ATP9A: variants seen among roughly 807,000 people sequenced by gnomAD.
ATP9A encodes ATPase phospholipid transporting 9A, also known as probable phospholipid-transporting ATPase IIA.
ATP9A carries 52 observed loss-of-function variants against 144.1 expected under a neutral mutation model. The ratio of observed to expected loss-of-function variants is 0.36; its 90% CI spans 0.29 to 0.45. ATP9A has a LOEUF of 0.45. ATP9A is among the 20% of genes least tolerant of loss of function. The pLI is 1.00. For synonymous variants in ATP9A, 582 were observed against 557.4 expected, an observed-to-expected ratio of 1.04 and a Z score of -0.62; for missense variants, 947 against 1,392.7, an observed-to-expected ratio of 0.68 and a Z score of 5.09.
intron 1 of ATP9A, among the ~76,000 whole-genome samples, chr20:51,745,860 C>G (rs2077805742): frequency 6.6e-6 from 1 of 152,094 alleles, no homozygotes; most frequent in African/African-American, 2.4e-5. Flanking sequence ...CATCATTCTA[C>G]CATAAAGACA....
At chr20:51,671,803 A>AC (rs763591630) in intron 11 of ATP9A, among the ~76,000 whole-genome samples, 35 of 145,010 alleles carry the variant, frequency 2.4e-4, no homozygotes, top group Non-Finnish European at 3.5e-4. Context: ...GAATTTGACT[A>AC]CTTTTTTTTT....
At chr20:51,628,918 A>G in intron 16 of ATP9A, 62 bp downstream of exon 16, 1 of 1,420,202 alleles carries the variant, frequency 7.0e-7, no homozygotes, top group Non-Finnish European at 9.9e-7. Context: ...CTTACCATGC[A>G]AGGGGCTGCC....
chr20:51,686,170 A>G (rs1016264359), intron 9 of ATP9A, among the ~76,000 whole-genome samples: 9 of 152,124 alleles, frequency 5.9e-5, no homozygotes, highest in African/African-American at 2.2e-4. Context: ...GAACAGTAAG[A>G]ACACTTGGAC....
chr20:51,641,704 G>A (rs558076297), intron 14 of ATP9A, among the ~76,000 whole-genome samples: 72 of 151,418 alleles, frequency 4.8e-4, no homozygotes, highest in African/African-American at 1.7e-3. Flanking sequence ...GGTGGCAGGC[G>A]CCTGTAATCC....
At chr20:51,742,142 G>C (rs539834672) in intron 1 of ATP9A, among the ~76,000 whole-genome samples, 2 of 151,928 alleles carry the variant, frequency 1.3e-5, no homozygotes, top group Admixed American at 6.6e-5. Flanking sequence ...CGAGCAACAC[G>C]GTGAGACCTC....
chr20:51,696,104 G>C lies in ATP9A; in HGVS notation c.536C>G (p.Ser179Ter). The change falls in exon 6 of 28, where the codon TCA (serine) becomes TGA (stop). Residue 179 changes from serine (S) to a stop codon, truncating the protein, a stop_gained. Transcript: ENST00000338821. LOFTEE classifies it high-confidence loss of function. ...VPADMIFLRTSEKNGSCFLRT... is the reference protein window; with the variant it reads ...VPADMIFLRT ...TCTCAGATGTTTACCGTTTTTTTCT[G>C]ATGTCCTCAGGAAGATCATGTCGGC... is the stretch of plus-strand genomic sequence containing the variant. The C allele has an allele frequency of 6.2e-7, 1 of 1,613,426 alleles. No homozygotes were observed.
intron 25 of ATP9A, 141 bp downstream of exon 25, chr20:51,608,377 A>C (rs769450147): frequency 1.6e-6 from 1 of 635,806 alleles, no homozygotes; most frequent in Non-Finnish European, 2.8e-6. Flanking sequence ...AAAAGTAAAA[A>C]AGCTACCAGT....
At chr20:51,633,516 C>T (rs189567472) in intron 15 of ATP9A, among the ~76,000 whole-genome samples, 95 of 152,180 alleles carry the variant, frequency 6.2e-4, no homozygotes, top group African/African-American at 1.9e-3. Flanking sequence ...GAGGTTGAAG[C>T]GGGAGGACAG....
At chr20:51,721,300 TTA>T (rs2077687924) in intron 3 of ATP9A, among the ~76,000 whole-genome samples, 1 of 152,226 alleles carries the variant, frequency 6.6e-6, no homozygotes, top group South Asian at 2.1e-4. Flanking sequence ...TAAATCTTTT[TTA>T]TGTTTACAAC....
At chr20:51,701,752 GC>G (rs1465706986) in intron 4 of ATP9A, among the ~76,000 whole-genome samples, 3 of 152,198 alleles carry the variant, frequency 2.0e-5, no homozygotes, top group African/African-American at 4.8e-5. Flanking sequence ...GAGGGGATGA[GC>G]CTCGGATCTG....
chr20:51,728,533 C>T (rs747964917), intron 2 of ATP9A, among the ~76,000 whole-genome samples: 1 of 149,622 alleles, frequency 6.7e-6, no homozygotes, highest in Non-Finnish European at 1.5e-5. Context: ...GAGGCTGAGG[C>T]AGGAGAATTG....
At chr20:51,680,311 G>A (rs908716278) in intron 9 of ATP9A, among the ~76,000 whole-genome samples, 4 of 150,226 alleles carry the variant, frequency 2.7e-5, no homozygotes, top group South Asian at 4.2e-4. Flanking sequence ...ACCACAAATC[G>A]ATCTTCTACA....
Position 51,716,490 on chromosome 20 carries a change from G to GAAAA in ATP9A, c.328-3420_328-3417dup, listed in dbSNP as rs11472238. Among the ~76,000 whole-genome samples, 65 of 137,822 alleles carry GAAAA rather than the reference G, an allele frequency of 4.7e-4. No homozygotes were observed. The East Asian group carries it at 5.2e-3, about 11-fold the overall frequency. 90.4% of individuals were successfully genotyped at this position (137,822 alleles called of 152,430 possible). A position where few individuals can be genotyped will look rare whatever the true frequency, so the allele number is the denominator to read the frequency against. On this transcript the variant is annotated intron_variant, in intron 3 of 27. Transcript: ENST00000338821. ...CAAAAGAAAATAGAAACCTGAAACA[G>GAAAA]AAAAAAAAAAAAAAATAGCTGGGCA...
chr20:51,658,376 A>G (rs2077395955), intron 13 of ATP9A, among the ~76,000 whole-genome samples: 1 of 151,940 alleles, frequency 6.6e-6, no homozygotes, highest in Non-Finnish European at 1.5e-5. Context: ...GGAGTGAACT[A>G]GAGGTGGTTT....
At chr20:51,697,774 G>T (rs2077576872) in intron 4 of ATP9A, among the ~76,000 whole-genome samples, 1 of 152,004 alleles carries the variant, frequency 6.6e-6, no homozygotes, top group African/African-American at 2.4e-5. Flanking sequence ...AAGTAGTGGG[G>T]GGAAAAAAGT....
intron 2 of ATP9A, among the ~76,000 whole-genome samples, chr20:51,727,413 C>T (rs1186943290): frequency 6.6e-6 from 1 of 151,736 alleles, no homozygotes; most frequent in Admixed American, 6.6e-5. Flanking sequence ...TGGTAAAACC[C>T]CATCACTACA....
At chr20:51,680,291 CA>C (rs2077494843) in intron 9 of ATP9A, among the ~76,000 whole-genome samples, 4 of 150,194 alleles carry the variant, frequency 2.7e-5, no homozygotes, top group Admixed American at 2.7e-4. Flanking sequence ...TACTCATGCA[CA>C]GAGGCAGGAC....
Position 51,625,419 on chromosome 20 carries a change from T to C in ATP9A, c.1846-57A>G, listed in dbSNP as rs963122172. On this transcript the variant is annotated intron_variant, in intron 17 of 27. Transcript: ENST00000338821. ...TAGGGTGAGGAGAGGCCAGGCTGAC[T>C]GGCCAGTGCCAAGAGTGGAAGGGCC... is the stretch of plus-strand genomic sequence containing the variant. The C allele has an allele frequency of 5.1e-6, 8 of 1,555,170 alleles. No homozygotes were observed. In the African/African-American group the frequency reaches 8.1e-5, roughly 16 times the overall value.
intron 3 of ATP9A, among the ~76,000 whole-genome samples, chr20:51,720,467 A>G (rs578099156): frequency 6.6e-6 from 1 of 152,338 alleles, no homozygotes; most frequent in East Asian, 1.9e-4. Context: ...AGTAGCCGAC[A>G]GGAGCTTCTC....
Sources: gnomAD v4.1 joint callset for allele counts (sites outside exome capture counted in the v4.1 genomes callset) on GRCh38, gnomAD v4.1.1 for gene constraint, MANE v1.5 for transcripts, NCBI Gene and HGNC (gene_info 2026-07-23, HGNC 2026-07-21) for gene names.